AGBL1: variants seen among roughly 807,000 people sequenced by gnomAD.
AGBL1 encodes cytosolic carboxypeptidase 4.
A neutral mutation model predicts 118.9 loss-of-function variants in AGBL1; 130 were observed. The observed-to-expected ratio is 1.09, with a 90% confidence interval of 0.95 to 1.26. The LOEUF is 1.26. Among genes scored for constraint, AGBL1 ranks in the 50% most tolerant of loss-of-function variants. AGBL1 has a pLI of 0.00. For missense variants in AGBL1, 1,584 were observed against 1,298.1 expected (o/e 1.22, Z -3.38); for synonymous variants, 555 against 478.9 (o/e 1.16, Z -2.08).
chr15:86,637,872 G>A (rs1421847150), intron 21 of AGBL1, among the ~76,000 whole-genome samples: 2 of 152,168 alleles, frequency 1.3e-5, no homozygotes, highest in Admixed American at 1.3e-4. Flanking sequence ...TGCCTGATCT[G>A]TGCTCTTTAT....
chr15:86,173,865 G>A (rs1054418396), intron 5 of AGBL1, among the ~76,000 whole-genome samples: 4 of 152,238 alleles, frequency 2.6e-5, no homozygotes, highest in Non-Finnish European at 5.9e-5. Flanking sequence ...ATATTTTGAA[G>A]GCAGGTAGTG....
At chr15:86,098,547 C>T (rs763804507) in intron 1 of AGBL1, among the ~76,000 whole-genome samples, 1 of 152,102 alleles carries the variant, frequency 6.6e-6, no homozygotes, top group Non-Finnish European at 1.5e-5. Flanking sequence ...TCAGCTTTCC[C>T]ACCACCATTT....
At chr15:86,706,042 G>T (rs2086444119) in intron 22 of AGBL1, among the ~76,000 whole-genome samples, 1 of 151,984 alleles carries the variant, frequency 6.6e-6, no homozygotes, top group Non-Finnish European at 1.5e-5. Context: ...GATCTATAAG[G>T]TAAGGTTTAA....
intron 17 of AGBL1, among the ~76,000 whole-genome samples, chr15:86,316,106 A>C (rs941709226): frequency 6.6e-6 from 1 of 152,134 alleles, no homozygotes; most frequent in Non-Finnish European, 1.5e-5. Context: ...TCCCTCACCT[A>C]TTTCTTTATT....
At chr15:86,233,392 T>C (rs2078487886) in intron 6 of AGBL1, among the ~76,000 whole-genome samples, 1 of 152,188 alleles carries the variant, frequency 6.6e-6, no homozygotes, top group Non-Finnish European at 1.5e-5. Context: ...TTTTTTTTTT[T>C]TTCTTGAACA....
chr15:86,410,161 G>A (rs551125412), intron 18 of AGBL1, among the ~76,000 whole-genome samples: 8 of 152,234 alleles, frequency 5.3e-5, no homozygotes, highest in Non-Finnish European at 7.4e-5. Flanking sequence ...TGGGAAAATA[G>A]GAAGCATAGC....
chr15:86,269,923 G>A lies in AGBL1; in HGVS notation c.1843G>A (p.Glu615Lys), dbSNP rs760676528. 5 of 1,613,478 alleles carry A rather than the reference G, an allele frequency of 3.1e-6. No homozygotes were observed. The highest frequency in any genetic ancestry group is 2.7e-5 in the African/African-American group (2 of 74,900). The change falls in exon 14 of 23, where the codon GAG becomes AAG. Residue 615 changes from glutamate to lysine, a missense_variant. Glu to Lys is a moderately conservative substitution (Grantham distance 56). Coordinates refer to ENST00000614907, the MANE Select transcript of AGBL1 (RefSeq NM_001386094.1). ...AGTCTTGCTTCTGATCTGCAGGTTC[G>A]AGTATGACTTGCTGGTCAACGCAGA... The part of the protein sequence containing the change: ...LRKAIQVREF[E>K]YDLLVNADVN...
intron 22 of AGBL1, among the ~76,000 whole-genome samples, chr15:86,723,770 G>A (rs1009290556): frequency 6.6e-6 from 1 of 152,134 alleles, no homozygotes; most frequent in African/African-American, 2.4e-5. Flanking sequence ...TTGTGAGAGA[G>A]AAAAAAAGAA....
intron 18 of AGBL1, among the ~76,000 whole-genome samples, chr15:86,491,239 G>A (rs746061202): frequency 3.9e-5 from 6 of 152,058 alleles, no homozygotes; most frequent in Non-Finnish European, 8.8e-5. Flanking sequence ...ATCCAGATGG[G>A]GACCATAGCA....
At position 86,780,214 on chromosome 15, in the gene AGBL1, A is replaced by G. The variant is rs1044344341; in HGVS notation, c.3158+105778A>G. On this transcript the variant is annotated intron_variant, in intron 22 of 22. Transcript: ENST00000614907. ...TGCCATTGACATCAGTTGGCACAATACCATTTATTAAAAAGGCCACCTTTG... is the reference window on the plus strand; with the variant it reads ...TGCCATTGACATCAGTTGGCACAATGCCATTTATTAAAAAGGCCACCTTTG... Among the ~76,000 whole-genome samples the G allele has an allele frequency of 3.3e-5, 5 of 152,246 alleles. No homozygotes were observed. The South Asian group carries it at 6.2e-4, about 19-fold the overall frequency.
chr15:86,128,875 C>T (rs1425834890), intron 1 of AGBL1, among the ~76,000 whole-genome samples: 2 of 152,180 alleles, frequency 1.3e-5, no homozygotes, highest in East Asian at 3.9e-4. Context: ...TCTGTGAGAA[C>T]AGAGACCTTA....
At chr15:86,124,643 T>A (rs1898306885) in intron 1 of AGBL1, among the ~76,000 whole-genome samples, 1 of 152,170 alleles carries the variant, frequency 6.6e-6, no homozygotes, top group South Asian at 2.1e-4. Flanking sequence ...CATCAGGTGG[T>A]TTTAAGCAAA....
At chr15:86,735,168 G>A (rs1400592841) in intron 22 of AGBL1, among the ~76,000 whole-genome samples, 4 of 151,958 alleles carry the variant, frequency 2.6e-5, no homozygotes, top group South Asian at 2.1e-4. Flanking sequence ...TACAACCTCC[G>A]CCTCCTGGGT....
Position 86,264,593 on chromosome 15 carries a change from C to A in AGBL1, c.1422C>A (p.Phe474Leu). 1 of 1,613,914 alleles carries A rather than the reference C, an allele frequency of 6.2e-7. No homozygotes were observed. The highest frequency in any genetic ancestry group is 8.5e-7 in the Non-Finnish European group (1 of 1,179,864). The change falls in exon 11 of 23, where the codon TTC (phenylalanine) becomes TTA (leucine). Residue 474 changes from phenylalanine (F) to leucine (L), a missense_variant. Physicochemically the swap from Phe to Leu is conservative, Grantham distance 22 (BLOSUM62 0). Coordinates refer to ENST00000614907, the MANE Select transcript of AGBL1 (RefSeq NM_001386094.1). ...KADAWDVDAI[F>L]CPRMSASFSN... ...ATGCCTGGGACGTAGATGCAATTTT[C>A]TGCCCAAGGATGAGTGCCTCCTTTT...
At chr15:86,108,160 T>C (rs1897160206) in intron 1 of AGBL1, among the ~76,000 whole-genome samples, 1 of 152,204 alleles carries the variant, frequency 6.6e-6, no homozygotes, top group Non-Finnish European at 1.5e-5. Flanking sequence ...GGGAAGATAC[T>C]AAAGATGCTT....
chr15:86,427,654 T>C (rs1395793538), intron 18 of AGBL1, among the ~76,000 whole-genome samples: 3 of 152,180 alleles, frequency 2.0e-5, no homozygotes, highest in African/African-American at 7.2e-5. Context: ...CCCCAGTTTA[T>C]ATTTGGTTTT....
intron 17 of AGBL1, among the ~76,000 whole-genome samples, chr15:86,361,815 C>T (rs962532429): frequency 6.6e-6 from 1 of 152,088 alleles, no homozygotes; most frequent in Non-Finnish European, 1.5e-5. Flanking sequence ...TACCCCTTAA[C>T]TTTTAGCCTA....
chr15:86,791,915 T>C (rs2078499543), intron 22 of AGBL1, among the ~76,000 whole-genome samples: 1 of 152,062 alleles, frequency 6.6e-6, no homozygotes, highest in Admixed American at 6.5e-5. Flanking sequence ...TTTTTATTGT[T>C]AGTAGAGACA....
intron 5 of AGBL1, among the ~76,000 whole-genome samples, chr15:86,196,698 G>A (rs1456140648): frequency 1.3e-5 from 2 of 152,014 alleles, no homozygotes; most frequent in Admixed American, 1.3e-4. Context: ...ATATGTTGAA[G>A]CCCTAACCCC....
Sources: allele counts gnomAD v4.1 joint callset (sites outside exome capture counted in the v4.1 genomes callset), GRCh38; gene constraint gnomAD v4.1.1; transcripts MANE v1.5; gene names NCBI Gene and HGNC (gene_info 2026-07-23, HGNC 2026-07-21).